Variants in CRTAP observed in about 807,000 individuals in gnomAD.
CRTAP encodes cartilage associated protein.
CRTAP carries 33 observed loss-of-function variants against 42.7 expected under a neutral mutation model. The ratio of observed to expected loss-of-function variants is 0.77; its 90% CI spans 0.59 to 1.03. The LOEUF is 1.03. CRTAP is among the 50% of genes least tolerant of loss of function. CRTAP has a pLI of 0.00. For missense variants in CRTAP, 613 were observed against 533.9 expected (o/e 1.15, Z -1.46); for synonymous variants, 243 against 217.7 (o/e 1.12, Z -1.02).
intron 2 of CRTAP, 103 bp from the exon 3 acceptor site, chr3:33,124,305 A>C: frequency 7.4e-7 from 1 of 1,346,058 alleles, no homozygotes; most frequent in Non-Finnish European, 1.1e-6. Flanking sequence ...CTTCAGAGCT[A>C]ATGAGAGCTA....
Position 33,143,652 on chromosome 3 carries a change from TAG to T in CRTAP, c.*1205_*1206del, listed in dbSNP as rs1575521602. On this transcript the variant is annotated 3_prime_UTR_variant, in exon 7 of 7. Coordinates refer to ENST00000320954, the MANE Select transcript of CRTAP (RefSeq NM_006371.5). ...GAATAAATATATACAAGGTATCATG[TAG>T]TGATAATTGCTGTGGAGAAAAATAA... is the stretch of plus-strand genomic sequence containing the variant. 1.3e-5 allele frequency: 2 copies of T among 152,238 alleles called. No homozygotes were observed. The highest frequency in any genetic ancestry group is 3.9e-4 in the East Asian group (2 of 5,182). The allele number at this position is 152,238 out of a possible 1,614,324, so 9.4% of individuals were successfully genotyped here.
chr3:33,134,140 A>C, intron 5 of CRTAP, 42 bp from the exon 6 acceptor site: 1 of 1,357,980 alleles, frequency 7.4e-7, no homozygotes, highest in Non-Finnish European at 1.1e-6. Flanking sequence ...TCTAAGATGA[A>C]AAGGTTGGTC....
rs2030734609 is a variant in CRTAP, at chr3:33,146,772, C to T, written c.*4324C>T. On this transcript the variant is annotated 3_prime_UTR_variant, in exon 7 of 7. Coordinates refer to ENST00000320954, the MANE Select transcript of CRTAP (RefSeq NM_006371.5). The stretch of plus-strand genomic sequence containing the variant: ...AACAGAAAATGATTTGTTAGATTGT[C>T]AGTTGGAAGGGGTTTATTATGACTG... The T allele has an allele frequency of 6.6e-6, 1 of 152,122 alleles. No homozygotes were observed. The highest frequency in any genetic ancestry group is 1.5e-5 in the Non-Finnish European group (1 of 68,030). The allele number at this position is 152,122 out of a possible 1,614,324, so 9.4% of individuals were successfully genotyped here.
At chr3:33,119,990 T>A (rs1395891022) in intron 1 of CRTAP, among the ~76,000 whole-genome samples, 1 of 152,210 alleles carries the variant, frequency 6.6e-6, no homozygotes, top group Non-Finnish European at 1.5e-5. Context: ...GACCTTACTC[T>A]CTTCCCTTCC....
Position 33,114,257 on chromosome 3 carries a change from G to A in CRTAP, c.180G>A (p.Trp60Ter). The change falls in exon 1 of 7, where the codon TGG becomes TGA. Residue 60 changes from tryptophan (W) to a stop codon, truncating the protein, a stop_gained. Transcript: ENST00000320954. LOFTEE classifies it high-confidence loss of function. The stretch of plus-strand genomic sequence containing the variant: ...TGGACAAGTACAGCGGCGAGCACTG[G>A]GCCGAGAGCGTGGGCTACCTGGAGA... ...HALDKYSGEH[W>*]AESVGYLEIS... 1 of 1,585,836 alleles carries A rather than the reference G, an allele frequency of 6.3e-7. No individual in the cohort carries two copies.
Position 33,130,625 on chromosome 3 carries a change from C to T in CRTAP, c.922+558C>T, listed in dbSNP as rs529272727. Among the ~76,000 whole-genome samples the T allele has an allele frequency of 6.1e-5, 9 of 147,138 alleles. No homozygotes were observed. In the South Asian group the frequency reaches 2.0e-3, roughly 32 times the overall value. On this transcript the variant is annotated intron_variant, in intron 4 of 6. Transcript: ENST00000320954. ...TTGACTTACTGCAACCTCCGCCTCCCAGGTTCAAGTGATTCCCCTTCCTCA... is the reference window on the plus strand; with the variant it reads ...TTGACTTACTGCAACCTCCGCCTCCTAGGTTCAAGTGATTCCCCTTCCTCA...
At chr3:33,130,619 G>A (rs1419194947) in intron 4 of CRTAP, among the ~76,000 whole-genome samples, 4 of 128,778 alleles carry the variant, frequency 3.1e-5, no homozygotes, top group Non-Finnish European at 4.7e-5. Context: ...TGCAACCTCC[G>A]CCTCCCAGGT....
Position 33,124,433 on chromosome 3 carries a change from C to T in CRTAP, c.647C>T (p.Ala216Val), listed in dbSNP as rs760134655. ...AGCCTGTTCATCCGAGCAGTGCGGG[C>T]ATACAACGGTGAGAACTGGAGAACA... ...YESLFIRAVRAYNGENWRTSI... is the reference protein window; with the variant it reads ...YESLFIRAVRVYNGENWRTSI... Residue 216 changes from alanine (A) to valine (V), a missense_variant, in exon 3 of 7, where the codon GCA becomes GTA. Ala to Val is a moderately conservative substitution (Grantham distance 64). Coordinates refer to ENST00000320954, the MANE Select transcript of CRTAP (RefSeq NM_006371.5). 1 of 1,614,192 alleles carries T rather than the reference C, an allele frequency of 6.2e-7. No individual in the cohort carries two copies. The highest frequency in any genetic ancestry group is 8.5e-7 in the Non-Finnish European group (1 of 1,180,042).
intron 6 of CRTAP, among the ~76,000 whole-genome samples, chr3:33,142,014 G>T (rs922339803): frequency 2.6e-5 from 4 of 152,214 alleles, no homozygotes; most frequent in Non-Finnish European, 5.9e-5. Flanking sequence ...AGAAGTTTGG[G>T]TTCTGGTGGT....
rs1452069702 is a variant in CRTAP at position 33,145,498 on chromosome 3, C to T, written c.*3050C>T. On this transcript the variant is annotated 3_prime_UTR_variant, in exon 7 of 7. Transcript: ENST00000320954. This position sits in a 1 kb window ranked among gnomAD's most constrained non-coding sequence, Gnocchi z 4.3. ...TTCCTCACCCCAACCTTTACTCCAC[C>T]AGAGAAACTTCCTTTTGAACTCAGT... 1.3e-5 allele frequency: 2 copies of T among 152,244 alleles called. No homozygotes were observed. The highest frequency in any genetic ancestry group is 2.9e-5 in the Non-Finnish European group (2 of 68,086). The allele number at this position is 152,244 out of a possible 1,614,324, so 9.4% of individuals were successfully genotyped here.
In CRTAP at chr3:33,124,697, C is replaced by T; in HGVS notation, c.793+118C>T. ...AGCCTCTGAGGAATTTTTGAGCATACTTATTAACGGGTAACTGAGGGTAGT... is the reference window on the plus strand; with the variant it reads ...AGCCTCTGAGGAATTTTTGAGCATATTTATTAACGGGTAACTGAGGGTAGT... On this transcript the variant is annotated intron_variant, in intron 3 of 6. Transcript: ENST00000320954. 4 of 1,202,498 alleles carry T rather than the reference C, an allele frequency of 3.3e-6. No individual in the cohort carries two copies. In the South Asian group the frequency reaches 3.7e-5, roughly 11 times the overall value. 74.5% of individuals were successfully genotyped at this position (1,202,498 alleles called of 1,614,324 possible).
At chr3:33,123,623 CG>C (rs2029961580) in intron 2 of CRTAP, among the ~76,000 whole-genome samples, 2 of 127,024 alleles carry the variant, frequency 1.6e-5, no homozygotes, top group African/African-American at 3.0e-5. Context: ...TACCCAGTCT[CG>C]GTTTTTTTTT....
rs201267683 is a variant in CRTAP, at chr3:33,120,455, G to A, written c.583G>A (p.Glu195Lys). The stretch of plus-strand genomic sequence containing the variant: ...ATATTATAAGAGCCTGCCTGGTGCC[G>A]AGGACTACATTAAAGACCTGGAAAC... ...MAYYKSLPGA[E>K]DYIKDLETKS... The change falls in exon 2 of 7, where the codon GAG (glutamate) becomes AAG (lysine). Residue 195 changes from glutamate (E) to lysine (K), a missense_variant. Coordinates refer to ENST00000320954, the MANE Select transcript of CRTAP (RefSeq NM_006371.5). 1.4e-4 allele frequency: 218 copies of A among 1,611,150 alleles called. No homozygotes were observed. Among genetic ancestry groups the A allele is most frequent in the Non-Finnish European group, 1.6e-4 (187 of 1,177,354 alleles).
Position 33,129,923 on chromosome 3 carries a change from A to G in CRTAP, c.794-16A>G, listed in dbSNP as rs1404928211. ...AATGGATCCACTGCTCTGAAAATTT[A>G]TATGTTTTGTTTCAGATCATTATGT... On this transcript the variant is annotated splice_polypyrimidine_tract_variant and intron_variant, in intron 3 of 6. Coordinates refer to ENST00000320954, the MANE Select transcript of CRTAP (RefSeq NM_006371.5). The G allele has an allele frequency of 1.2e-5, 20 of 1,610,868 alleles. No individual in the cohort carries two copies. The East Asian group carries it at 1.3e-4, about 11-fold the overall frequency.
intron 1 of CRTAP, among the ~76,000 whole-genome samples, chr3:33,119,676 A>G (rs1192776586): frequency 1.3e-5 from 2 of 152,190 alleles, no homozygotes; most frequent in African/African-American, 2.4e-5. Flanking sequence ...TCAAGGTGCC[A>G]GTGGAAAAGA....
At chr3:33,126,128 C>A (rs1303047238) in intron 3 of CRTAP, among the ~76,000 whole-genome samples, 1 of 152,160 alleles carries the variant, frequency 6.6e-6, no homozygotes, top group African/African-American at 2.4e-5. Context: ...TCCCCATATC[C>A]CCTTCCCCCC....
chr3:33,122,951 C>T (rs1411134517), intron 2 of CRTAP, among the ~76,000 whole-genome samples: 1 of 151,944 alleles, frequency 6.6e-6, no homozygotes, highest in Admixed American at 6.6e-5. Context: ...CTTCCTTGGT[C>T]CTAGTTTATT....
intron 1 of CRTAP, among the ~76,000 whole-genome samples, chr3:33,117,396 C>T (rs1701355086): frequency 6.6e-6 from 1 of 152,170 alleles, no homozygotes; most frequent in African/African-American, 2.4e-5. Context: ...TAGAAAAGGG[C>T]TGTGCTACTG....
chr3:33,121,029 C>T (rs943698146), intron 2 of CRTAP, among the ~76,000 whole-genome samples: 1 of 152,138 alleles, frequency 6.6e-6, no homozygotes, highest in Non-Finnish European at 1.5e-5. Flanking sequence ...AACGATCTCG[C>T]CCTTTTGAGC....
Sources: gnomAD v4.1 joint callset for allele counts (sites outside exome capture counted in the v4.1 genomes callset) on GRCh38, gnomAD v4.1.1 for gene constraint, Gnocchi (gnomAD v3.1) non-coding constraint, MANE v1.5 for transcripts, NCBI Gene and HGNC (gene_info 2026-07-23, HGNC 2026-07-21) for gene names.